ADAMTS16: variants seen among roughly 807,000 people sequenced by gnomAD.
The protein encoded by ADAMTS16 is A disintegrin and metalloproteinase with thrombospondin motifs 16.
In ADAMTS16, 94 loss-of-function variants were observed where a neutral mutation model predicts 145.8. The ratio of observed to expected loss-of-function variants is 0.64; its 90% confidence interval spans 0.55 to 0.77. The LOEUF is 0.77. Ranked by LOEUF, ADAMTS16 falls within the 30% of genes least tolerant of loss-of-function variation. The probability of loss-of-function intolerance (pLI) is 0.00; values close to 1 mark genes in which losing one functional copy is unlikely to be tolerated. For missense variants in ADAMTS16, 1,585 were observed against 1,591.5 expected (o/e 1.00, Z 0.07); for synonymous variants, 659 against 604.3 (o/e 1.09, Z -1.33).
At chr5:5,229,889 T>C (rs1376710032) in intron 11 of ADAMTS16, among the ~76,000 whole-genome samples, 2 of 152,192 alleles carry the variant, frequency 1.3e-5, no homozygotes, top group East Asian at 1.9e-4. Flanking sequence ...TGGGAAATGA[T>C]TGTTAATGGC....
At chr5:5,143,677 C>T (rs1169616117) in intron 2 of ADAMTS16, among the ~76,000 whole-genome samples, 1 of 152,154 alleles carries the variant, frequency 6.6e-6, no homozygotes, top group Non-Finnish European at 1.5e-5. Context: ...GACACATGCA[C>T]ACATATGTTT....
chr5:5,250,707 C>CTGTGTGTGTGTGTG (rs763835441), intron 17 of ADAMTS16, among the ~76,000 whole-genome samples: 22,610 of 148,464 alleles, frequency 0.15, 1,966 homozygotes, highest in East Asian at 0.25. Context: ...TGTCTCTTCT[C>CTGTGTGTGTGTGTG]TCTGTGTGTG....
At chr5:5,303,928 T>A in intron 20 of ADAMTS16, 162 bp downstream of exon 20, 2 of 801,288 alleles carry the variant, frequency 2.5e-6, no homozygotes, top group Non-Finnish European at 3.9e-6. Flanking sequence ...TGGGGTTGCT[T>A]AATCTCCTTT....
chr5:5,242,162 G>A lies in ADAMTS16; in HGVS notation c.2633G>A (p.Arg878His), dbSNP rs775791158. Reference sequence around the variant, plus strand: ...CCCAGCTACACTTGGGCCATCGTGCGCTCTGAGTGCTCCGTGTCCTGCGGA... The same window carrying A: ...CCCAGCTACACTTGGGCCATCGTGCACTCTGAGTGCTCCGTGTCCTGCGGA... The part of the protein sequence containing the change: ...AQPSYTWAIV[R>H]SECSVSCGGG... Residue 878 changes from arginine to histidine, a missense_variant, in exon 17 of 23, where the codon CGC becomes CAC. Around this residue, in one of 3 missense-constraint regions of ADAMTS16, gnomAD observed 834 missense variants for 811.7 expected, o/e 1.03. Transcript: ENST00000274181. 42 of 1,614,004 alleles carry A rather than the reference G, an allele frequency of 2.6e-5. No homozygotes were observed. Among genetic ancestry groups the A allele is most frequent in the African/African-American group, 5.3e-5 (4 of 74,934 alleles).
At chr5:5,244,185 T>C (rs1193552185) in intron 17 of ADAMTS16, among the ~76,000 whole-genome samples, 2 of 152,162 alleles carry the variant, frequency 1.3e-5, no homozygotes, top group African/African-American at 4.8e-5. Context: ...TGTGTATCAT[T>C]AGGAAGGGGA....
chr5:5,173,562 C>T (rs990207260), intron 3 of ADAMTS16, among the ~76,000 whole-genome samples: 3 of 151,982 alleles, frequency 2.0e-5, no homozygotes, highest in African/African-American at 7.3e-5. Flanking sequence ...CAAGCTCTGC[C>T]TCCCAGGTAC....
At chr5:5,260,737 C>T (rs534890352) in intron 17 of ADAMTS16, among the ~76,000 whole-genome samples, 19 of 152,332 alleles carry the variant, frequency 1.2e-4, no homozygotes, top group African/African-American at 3.4e-4. Context: ...GTGCAACTTT[C>T]CCTTCTGAAG....
At chr5:5,274,893 G>C (rs1254853215) in intron 18 of ADAMTS16, among the ~76,000 whole-genome samples, 5 of 152,082 alleles carry the variant, frequency 3.3e-5, no homozygotes, top group Admixed American at 2.0e-4. Context: ...GACTCAGTGT[G>C]GTTGGCTCTA....
At chr5:5,234,893 C>T (rs1737050202) in intron 12 of ADAMTS16, 121 bp from the exon 13 acceptor site, 1 of 516,474 alleles carries the variant, frequency 1.9e-6, no homozygotes, top group Non-Finnish European at 2.8e-6. Flanking sequence ...AAAAAAGAAT[C>T]CACTTTTTTC....
In ADAMTS16 at chr5:5,318,231, C is replaced by T. The variant is rs762838325; in HGVS notation, c.3509C>T (p.Ser1170Leu). 4.7e-5 allele frequency: 74 copies of T among 1,566,890 alleles called. No individual in the cohort carries two copies. Among genetic ancestry groups the T allele is most frequent in the African/African-American group, 1.8e-4 (13 of 73,540 alleles). ...ASGCLLHQKP[S>L]ASLACNTHFC... is the part of the protein sequence containing the mutation. ...GGCTGCCTCCTGCACCAGAAGCCTTCGGCCTCCCTGGCCTGCAACACTCAC... is the reference window on the plus strand; with the variant it reads ...GGCTGCCTCCTGCACCAGAAGCCTTTGGCCTCCCTGGCCTGCAACACTCAC... Residue 1170 changes from serine (S) to leucine (L), a missense_variant, in exon 22 of 23, where the codon TCG becomes TTG. Physicochemically the swap from Ser to Leu is moderately radical, Grantham distance 145 (BLOSUM62 -2). Coordinates refer to ENST00000274181, the MANE Select transcript of ADAMTS16 (RefSeq NM_139056.4).
At chr5:5,140,582 G>C in intron 1 of ADAMTS16, 43 bp downstream of exon 1, 2 of 1,509,332 alleles carry the variant, frequency 1.3e-6, no homozygotes, top group Non-Finnish European at 1.8e-6. Flanking sequence ...CCGCGGGTCC[G>C]GACAGCTGGA....
chr5:5,308,347 C>G (rs1472955290), intron 21 of ADAMTS16, among the ~76,000 whole-genome samples: 1 of 152,240 alleles, frequency 6.6e-6, no homozygotes, highest in African/African-American at 2.4e-5. Context: ...CCCTCTCTGC[C>G]CACCTCTTGC....
chr5:5,171,943 T>G (rs1414618637), intron 3 of ADAMTS16, among the ~76,000 whole-genome samples: 4 of 152,132 alleles, frequency 2.6e-5, no homozygotes, highest in Non-Finnish European at 5.9e-5. Flanking sequence ...TTTGATATTA[T>G]TATTTGTTAT....
intron 18 of ADAMTS16, among the ~76,000 whole-genome samples, chr5:5,280,949 C>A (rs1008461380): frequency 1.6e-4 from 25 of 152,318 alleles, no homozygotes; most frequent in Admixed American, 8.5e-4. Flanking sequence ...TTTGCTCTAC[C>A]CTATCTCTTC....
intron 18 of ADAMTS16, among the ~76,000 whole-genome samples, chr5:5,275,468 C>T (rs2126460637): frequency 6.6e-6 from 1 of 152,074 alleles, no homozygotes; most frequent in South Asian, 2.1e-4. Flanking sequence ...TTATTTAAAT[C>T]TGTTATGTTC....
intron 7 of ADAMTS16, among the ~76,000 whole-genome samples, chr5:5,190,832 C>G (rs757028025): frequency 6.6e-6 from 1 of 152,170 alleles, no homozygotes; most frequent in African/African-American, 2.4e-5. Context: ...CCAGTTGGCT[C>G]TTGGCTGGAC....
intron 17 of ADAMTS16, among the ~76,000 whole-genome samples, chr5:5,259,929 C>T (rs897949244): frequency 2.0e-5 from 3 of 152,302 alleles, no homozygotes; most frequent in East Asian, 1.9e-4. Flanking sequence ...AGCTCCCTCC[C>T]CCGACCTCCA....
chr5:5,194,430 C>T (rs1440211022), intron 8 of ADAMTS16, among the ~76,000 whole-genome samples: 4 of 152,174 alleles, frequency 2.6e-5, no homozygotes, highest in Admixed American at 2.0e-4. Flanking sequence ...ACCATGGAAA[C>T]CACCCAGGAC....
Position 5,303,624 on chromosome 5 carries a change from G to T in ADAMTS16, c.3044G>T (p.Ser1015Ile). 1 of 1,614,146 alleles carries T rather than the reference G, an allele frequency of 6.2e-7. No homozygotes were observed. Among genetic ancestry groups the T allele is most frequent in the Non-Finnish European group, 8.5e-7 (1 of 1,180,036 alleles). The part of the protein sequence containing the change: ...GWRKRAVACK[S>I]TNPSARAQLL... ...AGGAAGCGGGCAGTGGCCTGTAAGA[G>T]CACCAACCCCTCGGCCAGAGCGCAG... Residue 1015 changes from serine to isoleucine, a missense_variant, in exon 20 of 23, where the codon AGC becomes ATC. Ser to Ile is a moderately radical substitution (Grantham distance 142, BLOSUM62 -2). Coordinates refer to ENST00000274181, the MANE Select transcript of ADAMTS16 (RefSeq NM_139056.4).
Sources: gnomAD v4.1 joint callset for allele counts (sites outside exome capture counted in the v4.1 genomes callset) on GRCh38, gnomAD v4.1.1 for gene constraint, gnomAD v4.1.1 regional missense constraint, MANE v1.5 for transcripts, NCBI Gene and HGNC (gene_info 2026-07-23, HGNC 2026-07-21) for gene names.